The following GNAS variants were observed in gnomAD, a reference collection of about 807,000 sequenced individuals.
The protein encoded by GNAS is GNAS complex locus, also known as protein ALEX.
GNAS carries 8 observed loss-of-function variants against 54.5 expected under a neutral mutation model. The ratio of observed to expected loss-of-function variants is 0.15; its 90% CI spans 0.09 to 0.26. The LOEUF is 0.26. GNAS is among the 10% of genes least tolerant of loss of function. The probability of loss-of-function intolerance (pLI) is 1.00; values close to 1 mark genes in which losing one functional copy is unlikely to be tolerated. For missense variants in GNAS, 170 were observed against 529.8 expected (o/e 0.32, Z 6.67); for synonymous variants, 204 against 191.4 (o/e 1.07, Z -0.54).
intron 1 of GNAS, among the ~76,000 whole-genome samples, chr20:58,894,915 C>T (rs911526182): frequency 5.3e-5 from 8 of 152,122 alleles, no homozygotes; most frequent in African/African-American, 1.9e-4. Flanking sequence ...GATGGTCTCC[C>T]CTTTTCCTCA....
chr20:58,855,148 C>G (rs1252328035), intron 1 of GNAS: 2 of 1,613,062 alleles, frequency 1.2e-6, no homozygotes, highest in Non-Finnish European at 1.7e-6. Flanking sequence ...AGTCCCCAGC[C>G]CAAAGCCTCG....
Position 58,873,976 on chromosome 20 carries a change from G to A in GNAS, c.44-21636G>A, listed in dbSNP as rs746037007. ...GAGGTTACCTAAAAGTGTCATGAGT[G>A]CTGATAATTAAACTGCAGAAAACCT... is the stretch of plus-strand genomic sequence containing the variant. On this transcript the variant is annotated intron_variant, in intron 1 of 12. Coordinates refer to the GNAS transcript ENST00000306090. The surrounding 1 kb of genome is among the most constrained non-coding windows in gnomAD (Gnocchi z 4.3). Among the ~76,000 whole-genome samples the A allele has an allele frequency of 2.6e-5, 4 of 152,198 alleles. No individual in the cohort carries two copies. The highest frequency in any genetic ancestry group is 5.9e-5 in the Non-Finnish European group (4 of 68,038).
At position 58,877,144 on chromosome 20, in the gene GNAS, C is replaced by T. The variant is rs866449932; in HGVS notation, c.44-18468C>T. On this transcript the variant is annotated intron_variant, in intron 1 of 12. Coordinates refer to the GNAS transcript ENST00000306090. ...CAGCACTTTAATTATGATGAAAGAA[C>T]AAGATTTTTTTTTTCCGGTTTTTAC... is the stretch of plus-strand genomic sequence containing the variant. Among the ~76,000 whole-genome samples, 13 of 127,144 alleles carry T rather than the reference C, an allele frequency of 1.0e-4. No individual in the cohort carries two copies. In the South Asian group the frequency reaches 3.4e-3, roughly 33 times the overall value. The allele number at this position is 127,144 out of a possible 152,430, so 83.4% of individuals were successfully genotyped here.
At chr20:58,906,062 C>G (rs867069951) in intron 6 of GNAS, among the ~76,000 whole-genome samples, 1 of 152,040 alleles carries the variant, frequency 6.6e-6, no homozygotes, top group Admixed American at 6.5e-5. Flanking sequence ...TCCTTCTCAC[C>G]GGGTCTTGAT....
chr20:58,840,635 C>T (rs781477248), upstream of GNAS: 17 of 1,606,254 alleles, frequency 1.1e-5, no homozygotes, highest in Non-Finnish European at 1.4e-5. The surrounding 1 kb of genome is among the most constrained non-coding windows in gnomAD (Gnocchi z 6.0). Flanking sequence ...CTCCCCAAGT[C>T]GCGCGCCGCC....
chr20:58,892,924 TAAA>T (rs895353203), intron 1 of GNAS, among the ~76,000 whole-genome samples: 1 of 133,832 alleles, frequency 7.5e-6, no homozygotes, highest in Non-Finnish European at 1.6e-5. Flanking sequence ...AATAAACCAT[TAAA>T]AAAAACACAT....
At chr20:58,869,142 C>CTT (rs2087266555) in intron 1 of GNAS, among the ~76,000 whole-genome samples, 1 of 152,222 alleles carries the variant, frequency 6.6e-6, no homozygotes, top group Non-Finnish European at 1.5e-5. Context: ...ATCAGGTAAC[C>CTT]TCCAGATTCA....
intron 1 of GNAS, among the ~76,000 whole-genome samples, chr20:58,872,690 G>A (rs916912305): frequency 7.2e-5 from 11 of 152,094 alleles, no homozygotes; most frequent in Non-Finnish European, 1.6e-4. Context: ...AGAGAAAAGG[G>A]GGGAATTCAG....
At chr20:58,899,334 A>T (rs944336118) in intron 3 of GNAS, 1 of 499,826 alleles carries the variant, frequency 2.0e-6, no homozygotes, top group Non-Finnish European at 3.7e-6. Flanking sequence ...TTGTTTTAAA[A>T]CTATCTACTA....
intron 1 of GNAS, among the ~76,000 whole-genome samples, chr20:58,878,650 G>T (rs2087998290): frequency 6.6e-6 from 1 of 152,128 alleles, no homozygotes; most frequent in Admixed American, 6.5e-5. Context: ...CTCCATGCGT[G>T]GTGATTCTGC....
At chr20:58,889,222 C>CCGGCG (rs143800311), upstream of GNAS, 791,999 of 1,197,972 alleles carry the variant, frequency 0.66, 264,778 homozygotes, top group South Asian at 0.74. Flanking sequence ...AGGTGGCTGG[C>CCGGCG]CGGCGCGGCG....
At chr20:58,890,940 G>A (rs1468219500), upstream of GNAS, among the ~76,000 whole-genome samples, 1 of 151,588 alleles carries the variant, frequency 6.6e-6, no homozygotes, top group Non-Finnish European at 1.5e-5. Context: ...CCTAAGTCCG[G>A]GCGCGCGCTC....
chr20:58,870,258 TACA>T (rs1427403836), intron 1 of GNAS, among the ~76,000 whole-genome samples: 1 of 152,266 alleles, frequency 6.6e-6, no homozygotes, highest in Non-Finnish European at 1.5e-5. Flanking sequence ...ATAACTTTCC[TACA>T]ACATGATTCT....
At chr20:58,900,279 T>C (rs542185195) in intron 3 of GNAS, 73 of 424,288 alleles carry the variant, frequency 1.7e-4, no homozygotes, top group Non-Finnish European at 2.8e-4. Context: ...CAACCTACTG[T>C]GTACTAGATG....
chr20:58,847,332 A>C (rs1431472038), intron 1 of GNAS, among the ~76,000 whole-genome samples: 1 of 152,060 alleles, frequency 6.6e-6, no homozygotes, highest in Non-Finnish European at 1.5e-5. Flanking sequence ...CATTTGCTTC[A>C]AACAGCCTGG....
At chr20:58,893,805 C>CT (rs1330941183) in intron 1 of GNAS, among the ~76,000 whole-genome samples, 1 of 152,354 alleles carries the variant, frequency 6.6e-6, no homozygotes, top group Non-Finnish European at 1.5e-5. Flanking sequence ...CTCAGTACTA[C>CT]TTTAAGTCAA....
intron 1 of GNAS, among the ~76,000 whole-genome samples, chr20:58,892,785 C>T (rs200349007): frequency 1.3e-5 from 2 of 151,960 alleles, no homozygotes; most frequent in African/African-American, 2.4e-5. Flanking sequence ...CCAAATGACA[C>T]GTCATTTTAC....
At chr20:58,889,293 G>A, upstream of GNAS, 1 of 990,634 alleles carries the variant, frequency 1.0e-6, no homozygotes, top group Non-Finnish European at 1.2e-6. Flanking sequence ...CTGTCCCGGC[G>A]CGGGGCGGCG....
At chr20:58,872,860 C>T (rs2087559234) in intron 1 of GNAS, among the ~76,000 whole-genome samples, 2 of 152,120 alleles carry the variant, frequency 1.3e-5, no homozygotes. Flanking sequence ...ATGTCCTGGG[C>T]TTCATTCATC....
Sources: gnomAD v4.1 joint callset for allele counts (sites outside exome capture counted in the v4.1 genomes callset) on GRCh38, gnomAD v4.1.1 for gene constraint, Gnocchi (gnomAD v3.1) non-coding constraint, MANE v1.5 for transcripts, NCBI Gene and HGNC (gene_info 2026-07-23, HGNC 2026-07-21) for gene names.